The following UNC13C variants were observed in gnomAD, a reference collection of about 807,000 sequenced individuals.
UNC13C encodes unc-13 homolog C, also known as protein unc-13 homolog C.
A neutral mutation model predicts 245.4 loss-of-function variants in UNC13C; 174 were observed. The observed-to-expected ratio is 0.71, with a 90% confidence interval of 0.63 to 0.80. The LOEUF (loss-of-function observed/expected upper bound fraction) is 0.80. UNC13C is among the 30% of genes least tolerant of loss of function. The pLI, the probability that UNC13C is intolerant of heterozygous loss-of-function variation, is 0.00. For missense variants in UNC13C, 2,829 were observed against 2,602.9 expected (o/e 1.09, Z -1.89); for synonymous variants, 992 against 895.1 (o/e 1.11, Z -1.93).
chr15:54,228,835 G>A (rs1266807737), intron 4 of UNC13C, among the ~76,000 whole-genome samples: 1 of 152,128 alleles, frequency 6.6e-6, no homozygotes, highest in Non-Finnish European at 1.5e-5. Context: ...GGAAATGGGT[G>A]GTACAAAGTC....
At chr15:53,849,883 G>A in the UNC13C span, among the ~76,000 whole-genome samples, 1 of 152,190 alleles carries the variant, frequency 6.6e-6, no homozygotes, top group Non-Finnish European at 1.5e-5. Flanking sequence ...ACATACATAT[G>A]TGAGACAATG....
At chr15:53,974,375 C>G (rs1893633877), upstream of UNC13C, among the ~76,000 whole-genome samples, 1 of 152,178 alleles carries the variant, frequency 6.6e-6, no homozygotes, top group Admixed American at 6.5e-5. Context: ...CTTTACTAAG[C>G]AAGCACACTA....
At chr15:54,519,813 A>G (rs1190212565) in intron 24 of UNC13C, among the ~76,000 whole-genome samples, 2 of 152,172 alleles carry the variant, frequency 1.3e-5, no homozygotes, top group African/African-American at 4.8e-5. Flanking sequence ...CCACAGGCTT[A>G]TGAAGTGATT....
Position 54,286,737 on chromosome 15 carries a change from T to G in UNC13C, c.3819-7158T>G, listed in dbSNP as rs34212195. On this transcript the variant is annotated intron_variant, in intron 10 of 32. Coordinates refer to ENST00000260323, the MANE Select transcript of UNC13C (RefSeq NM_001080534.3). ...ATTTTGATGACTGCCAAAAGGAAAT[T>G]GGCCAAATAAGTGATTGGCTCTGCA... Among the ~76,000 whole-genome samples the G allele has an allele frequency of 8.3e-3, 1,260 of 152,288 alleles. 5 individuals are homozygous for G. Among genetic ancestry groups the G allele is most frequent in the Non-Finnish European group, 0.014 (929 of 68,018 alleles).
At chr15:53,880,905 G>GT in the UNC13C span, among the ~76,000 whole-genome samples, 1 of 152,114 alleles carries the variant, frequency 6.6e-6, no homozygotes, top group Non-Finnish European at 1.5e-5. Context: ...AGAGAAGGTT[G>GT]TAAGTGAGAG....
chr15:54,044,989 A>G (rs530219893), intron 2 of UNC13C, among the ~76,000 whole-genome samples: 1 of 152,224 alleles, frequency 6.6e-6, no homozygotes. Context: ...CTTATGCCAT[A>G]TGTGATTTAA....
chr15:54,369,789 G>A (rs1049283472), intron 17 of UNC13C, among the ~76,000 whole-genome samples: 2 of 152,052 alleles, frequency 1.3e-5, no homozygotes, highest in Non-Finnish European at 2.9e-5. Flanking sequence ...ATAGTGTTGA[G>A]CCTGAGATAA....
At chr15:54,328,925 ATTAGT>A (rs763543603) in intron 14 of UNC13C, among the ~76,000 whole-genome samples, 7 of 152,098 alleles carry the variant, frequency 4.6e-5, no homozygotes, top group Non-Finnish European at 7.4e-5. Context: ...AATCATGCCT[ATTAGT>A]TTACATATTG....
intron 2 of UNC13C, among the ~76,000 whole-genome samples, chr15:54,044,692 A>T (rs908918775): frequency 6.6e-6 from 1 of 152,124 alleles, no homozygotes; most frequent in African/African-American, 2.4e-5. Context: ...AATAAATTTT[A>T]TTGTGCATAT....
intron 2 of UNC13C, among the ~76,000 whole-genome samples, chr15:54,079,852 T>A (rs532698905): frequency 6.6e-6 from 1 of 152,186 alleles, no homozygotes; most frequent in South Asian, 2.1e-4. Context: ...CTATGCTGAA[T>A]AGAAATGGTT....
intron 4 of UNC13C, among the ~76,000 whole-genome samples, chr15:54,222,125 A>C (rs368727461): frequency 1.3e-5 from 2 of 152,194 alleles, no homozygotes; most frequent in South Asian, 4.1e-4. Flanking sequence ...ATACTATATT[A>C]GTTATTTTTA....
chr15:54,210,689 G>C (rs2034853038), intron 4 of UNC13C, among the ~76,000 whole-genome samples: 1 of 152,104 alleles, frequency 6.6e-6, no homozygotes, highest in Non-Finnish European at 1.5e-5. Flanking sequence ...AAGCTGACTA[G>C]TTAGTCTGCC....
chr15:53,839,368 T>C, the UNC13C span, among the ~76,000 whole-genome samples: 1 of 152,092 alleles, frequency 6.6e-6, no homozygotes, highest in Non-Finnish European at 1.5e-5. Flanking sequence ...CCTTCAACCC[T>C]ATATAGAATT....
At chr15:54,139,765 A>G (rs1234413694) in intron 2 of UNC13C, among the ~76,000 whole-genome samples, 2 of 152,100 alleles carry the variant, frequency 1.3e-5, no homozygotes, top group Admixed American at 1.3e-4. Flanking sequence ...AAATTTAAAA[A>G]TCTCTTTCCA....
intron 26 of UNC13C, among the ~76,000 whole-genome samples, chr15:54,537,227 A>G (rs1264850831): frequency 6.6e-6 from 1 of 152,078 alleles, no homozygotes; most frequent in Non-Finnish European, 1.5e-5. Flanking sequence ...TCCATTCACA[A>G]TAGCCACATA....
intron 4 of UNC13C, among the ~76,000 whole-genome samples, chr15:54,232,885 T>C (rs2035590908): frequency 6.6e-6 from 1 of 152,106 alleles, no homozygotes; most frequent in Non-Finnish European, 1.5e-5. Context: ...TAGATACCCA[T>C]TCACTTAGCC....
chr15:54,396,995 T>C (rs1358750079), intron 18 of UNC13C, among the ~76,000 whole-genome samples: 1 of 151,340 alleles, frequency 6.6e-6, no homozygotes, highest in Admixed American at 6.6e-5. Flanking sequence ...TAGTGCCTTC[T>C]GAAGAGCATA....
the UNC13C span, among the ~76,000 whole-genome samples, chr15:53,908,612 A>C: frequency 0.059 from 8,536 of 144,442 alleles, 1,126 homozygotes; most frequent in African/African-American, 0.2. Context: ...ATACAAACCC[A>C]GGCATGGTGA....
At chr15:54,284,434 A>T (rs1044386397) in intron 10 of UNC13C, among the ~76,000 whole-genome samples, 3 of 152,080 alleles carry the variant, frequency 2.0e-5, no homozygotes, top group Admixed American at 6.5e-5. Context: ...CAAACAAAAA[A>T]CTCCCAGGAC....
Sources: allele counts gnomAD v4.1 joint callset (sites outside exome capture counted in the v4.1 genomes callset), GRCh38; gene constraint gnomAD v4.1.1; transcripts MANE v1.5; gene names NCBI Gene and HGNC (gene_info 2026-07-23, HGNC 2026-07-21).